Variants in ERBB4 observed in about 807,000 individuals in gnomAD.
ERBB4 encodes receptor tyrosine-protein kinase erbB-4.
ERBB4 carries 42 observed loss-of-function variants against 158.0 expected under a neutral mutation model. That is an observed-to-expected ratio of 0.27 (90% CI 0.21 to 0.34). The LOEUF (loss-of-function observed/expected upper bound fraction) is 0.34, where lower values mean the gene tolerates loss of function less well. ERBB4 is among the 10% of genes least tolerant of loss of function. The probability of loss-of-function intolerance (pLI) is 1.00; values close to 1 mark genes in which losing one functional copy is unlikely to be tolerated. For synonymous variants in ERBB4, 583 were observed against 558.7 expected (o/e 1.04, Z -0.61); for missense variants, 1,333 against 1,624.1 (o/e 0.82, Z 3.08).
At chr2:212,284,530 G>A (rs1283465419) in intron 1 of ERBB4, among the ~76,000 whole-genome samples, 3 of 152,010 alleles carry the variant, frequency 2.0e-5, no homozygotes, top group Non-Finnish European at 4.4e-5. Context: ...GTGAACATAA[G>A]GCCCAATTGA....
At chr2:211,398,298 G>A (rs1223869434) in intron 25 of ERBB4, among the ~76,000 whole-genome samples, 2 of 152,044 alleles carry the variant, frequency 1.3e-5, no homozygotes, top group Non-Finnish European at 2.9e-5. Context: ...TATTTCAGTT[G>A]TGGTTAAGGT....
chr2:212,499,774 G>A (rs1409851311), intron 1 of ERBB4, among the ~76,000 whole-genome samples: 5 of 152,058 alleles, frequency 3.3e-5, no homozygotes, highest in Admixed American at 2.0e-4. Flanking sequence ...AATTGGATTC[G>A]TTTAGAACTG....
At chr2:211,488,427 T>C (rs2065259934) in intron 20 of ERBB4, among the ~76,000 whole-genome samples, 1 of 152,130 alleles carries the variant, frequency 6.6e-6, no homozygotes, top group South Asian at 2.1e-4. Context: ...CTCATCACTG[T>C]ATTGAGAGTG....
At chr2:211,632,338 G>T (rs1224967653) in intron 16 of ERBB4, among the ~76,000 whole-genome samples, 1 of 151,970 alleles carries the variant, frequency 6.6e-6, no homozygotes, top group African/African-American at 2.4e-5. Flanking sequence ...TCAACCAAAG[G>T]TATAATTTTT....
At chr2:211,993,612 T>C (rs1221548151) in intron 2 of ERBB4, among the ~76,000 whole-genome samples, 1 of 151,664 alleles carries the variant, frequency 6.6e-6, no homozygotes, top group Non-Finnish European at 1.5e-5. Flanking sequence ...TATATTTTTC[T>C]AATGTACTAA....
chr2:212,331,993 G>A (rs2088199816), intron 1 of ERBB4, among the ~76,000 whole-genome samples: 1 of 152,026 alleles, frequency 6.6e-6, no homozygotes, highest in South Asian at 2.1e-4. Context: ...TATAAATTAG[G>A]ATACCTATGG....
intron 25 of ERBB4, among the ~76,000 whole-genome samples, chr2:211,408,201 A>G (rs1051863433): frequency 3.9e-5 from 6 of 152,238 alleles, no homozygotes; most frequent in African/African-American, 1.4e-4. Flanking sequence ...GAAACTCACA[A>G]TTGTCCTTTC....
intron 25 of ERBB4, among the ~76,000 whole-genome samples, chr2:211,398,394 C>G (rs1458431269): frequency 6.6e-6 from 1 of 152,148 alleles, no homozygotes; most frequent in Non-Finnish European, 1.5e-5. Flanking sequence ...CAGAAGTAAA[C>G]TAGGATGCAC....
chr2:211,644,056 CA>C (rs1418463137), intron 16 of ERBB4, among the ~76,000 whole-genome samples: 1 of 151,898 alleles, frequency 6.6e-6, no homozygotes, highest in East Asian at 1.9e-4. Flanking sequence ...TTTCTGGATC[CA>C]TAGTAGATTG....
intron 3 of ERBB4, among the ~76,000 whole-genome samples, chr2:211,924,864 G>A (rs1212327540): frequency 2.6e-5 from 4 of 152,138 alleles, no homozygotes; most frequent in Admixed American, 6.5e-5. Flanking sequence ...AAAGACGTAC[G>A]TTTATCCGCA....
chr2:212,035,221 C>T (rs372766863), intron 2 of ERBB4, among the ~76,000 whole-genome samples: 22 of 152,302 alleles, frequency 1.4e-4, no homozygotes, highest in African/African-American at 4.6e-4. Context: ...AGTCCATGCT[C>T]CTTAGCATAA....
intron 2 of ERBB4, among the ~76,000 whole-genome samples, chr2:212,062,905 A>G (rs2077824093): frequency 6.6e-6 from 1 of 152,186 alleles, no homozygotes; most frequent in Admixed American, 6.5e-5. Flanking sequence ...TAAATATCTT[A>G]AGTGTTAGTG....
At chr2:211,511,676 T>C (rs1020623727) in intron 20 of ERBB4, among the ~76,000 whole-genome samples, 1 of 152,102 alleles carries the variant, frequency 6.6e-6, no homozygotes, top group African/African-American at 2.4e-5. Context: ...GAATCCATTG[T>C]TTAATTGTGA....
intron 1 of ERBB4, among the ~76,000 whole-genome samples, chr2:212,136,149 TAGG>T (rs564966142): frequency 3.7e-4 from 56 of 152,310 alleles, no homozygotes; most frequent in African/African-American, 1.3e-3. Flanking sequence ...TTTTTCCTGT[TAGG>T]AGAATTTACA....
At chr2:211,521,332 T>C (rs1480565872) in intron 20 of ERBB4, among the ~76,000 whole-genome samples, 5 of 152,120 alleles carry the variant, frequency 3.3e-5, no homozygotes, top group African/African-American at 1.2e-4. Context: ...TCTAGATCGA[T>C]CAAACCAGCC....
intron 1 of ERBB4, among the ~76,000 whole-genome samples, chr2:212,487,013 C>G (rs1230776455): frequency 6.6e-6 from 1 of 152,092 alleles, no homozygotes; most frequent in Non-Finnish European, 1.5e-5. Flanking sequence ...GCACATTTTC[C>G]TTCTGAAGTT....
At chr2:211,767,884 A>G (rs1228736548) in intron 4 of ERBB4, among the ~76,000 whole-genome samples, 1 of 152,102 alleles carries the variant, frequency 6.6e-6, no homozygotes, top group Non-Finnish European at 1.5e-5. Flanking sequence ...ATGACCTCAC[A>G]TTTCAAAATG....
intron 12 of ERBB4, among the ~76,000 whole-genome samples, chr2:211,700,545 A>G (rs1219757958): frequency 6.6e-6 from 1 of 152,226 alleles, no homozygotes; most frequent in Non-Finnish European, 1.5e-5. Flanking sequence ...CTCACAAATT[A>G]TAAGTTATAT....
chr2:211,521,144 A>C (rs1433121625), intron 20 of ERBB4, among the ~76,000 whole-genome samples: 2 of 152,310 alleles, frequency 1.3e-5, no homozygotes, highest in African/African-American at 4.8e-5. Flanking sequence ...AAGCATAGTG[A>C]GGAAGGCATG....
Sources: allele counts gnomAD v4.1 joint callset (sites outside exome capture counted in the v4.1 genomes callset), GRCh38; gene constraint gnomAD v4.1.1; transcripts MANE v1.5; gene names NCBI Gene and HGNC (gene_info 2026-07-23, HGNC 2026-07-21).